Variants in ZMPSTE24 observed in about 807,000 individuals in gnomAD.
The protein encoded by ZMPSTE24 is CAAX prenyl protease 1 homolog.
A neutral mutation model predicts 56.7 loss-of-function variants in ZMPSTE24; 48 were observed. The observed-to-expected ratio is 0.85, with a 90% CI of 0.67 to 1.08. ZMPSTE24 has a LOEUF of 1.08. Ranked by LOEUF, ZMPSTE24 falls within the 50% of genes least tolerant of loss-of-function variation. The pLI, the probability that ZMPSTE24 is intolerant of heterozygous loss-of-function variation, is 0.00. For synonymous variants in ZMPSTE24, 172 were observed against 195.2 expected (o/e 0.88, Z 0.99); for missense variants, 503 against 548.7 (o/e 0.92, Z 0.83).
chr1:40,270,255 C>T, intron 5 of ZMPSTE24, 128 bp downstream of exon 5: 1 of 1,124,476 alleles, frequency 8.9e-7, no homozygotes. Context: ...ATACATTTCC[C>T]CCTTGGTTTC....
intron 6 of ZMPSTE24, among the ~76,000 whole-genome samples, chr1:40,280,269 A>G (rs1272333625): frequency 6.6e-6 from 1 of 152,044 alleles, no homozygotes; most frequent in African/African-American, 2.4e-5. Context: ...CTCATCTTCA[A>G]GGCTCTCATC....
At chr1:40,291,982 A>G (rs1354695904) in intron 9 of ZMPSTE24, among the ~76,000 whole-genome samples, 2 of 151,894 alleles carry the variant, frequency 1.3e-5, no homozygotes, top group Non-Finnish European at 2.9e-5. Flanking sequence ...CTGGGACTAC[A>G]GGCACCCATC....
intron 2 of ZMPSTE24, among the ~76,000 whole-genome samples, chr1:40,263,383 A>G (rs1223359368): frequency 6.6e-6 from 1 of 152,238 alleles, no homozygotes; most frequent in Non-Finnish European, 1.5e-5. Context: ...TTCCCTTCTT[A>G]TGAATGAGGA....
chr1:40,266,224 T>C (rs1157263621), intron 2 of ZMPSTE24, among the ~76,000 whole-genome samples: 1 of 152,136 alleles, frequency 6.6e-6, no homozygotes, highest in Non-Finnish European at 1.5e-5. Flanking sequence ...TGAAATATGA[T>C]AGTACCAAAA....
chr1:40,265,874 T>C (rs1456973587), intron 2 of ZMPSTE24, among the ~76,000 whole-genome samples: 1 of 152,144 alleles, frequency 6.6e-6, no homozygotes, highest in Non-Finnish European at 1.5e-5. Context: ...AGAGACCATA[T>C]TTGAGACCCA....
At chr1:40,278,324 A>G (rs1643690913) in intron 6 of ZMPSTE24, among the ~76,000 whole-genome samples, 1 of 152,246 alleles carries the variant, frequency 6.6e-6, no homozygotes, top group Admixed American at 6.5e-5. Flanking sequence ...TGCTTCACTT[A>G]GAATATCTCG....
chr1:40,292,940 A>C lies in ZMPSTE24; in HGVS notation c.*271A>C, dbSNP rs1288639439. The C allele has an allele frequency of 5.4e-6, 2 of 370,078 alleles. No homozygotes were observed. Among genetic ancestry groups the C allele is most frequent in the East Asian group, 1.3e-4 (2 of 15,714 alleles). The allele number at this position is 370,078 out of a possible 1,614,324, so 22.9% of individuals were successfully genotyped here. A position where few individuals can be genotyped will look rare whatever the true frequency, so the allele number is the denominator to read the frequency against. On this transcript the variant is annotated 3_prime_UTR_variant, in exon 10 of 10. Coordinates refer to ENST00000372759, the MANE Select transcript of ZMPSTE24 (RefSeq NM_005857.5). Reference sequence around the variant, plus strand: ...AAGTTGTAAAATTATTTGGAAAAATACAGAACTCGTTTTATTTGTATACTT... The same window carrying C: ...AAGTTGTAAAATTATTTGGAAAAATCCAGAACTCGTTTTATTTGTATACTT...
At chr1:40,275,510 G>A (rs1394672175) in intron 6 of ZMPSTE24, among the ~76,000 whole-genome samples, 1 of 151,840 alleles carries the variant, frequency 6.6e-6, no homozygotes, top group Non-Finnish European at 1.5e-5. Flanking sequence ...CCAGCACTTT[G>A]AGAGGCTGAG....
intron 7 of ZMPSTE24, among the ~76,000 whole-genome samples, chr1:40,285,488 C>A (rs1013597299): frequency 1.3e-5 from 2 of 152,188 alleles, no homozygotes; most frequent in African/African-American, 2.4e-5. Flanking sequence ...TATCTGTCTG[C>A]CTCGGTTTCC....
intron 6 of ZMPSTE24, 129 bp downstream of exon 6, chr1:40,272,164 G>C: frequency 3.7e-6 from 4 of 1,081,676 alleles, no homozygotes; most frequent in Non-Finnish European, 5.0e-6. Context: ...TTATTTAAAG[G>C]CTAGGAGTTT....
chr1:40,285,167 C>T (rs1408642152), intron 7 of ZMPSTE24, among the ~76,000 whole-genome samples: 1 of 151,542 alleles, frequency 6.6e-6, no homozygotes, highest in Non-Finnish European at 1.5e-5. Flanking sequence ...AGTGCAATGG[C>T]GTGATCTCAG....
rs1643837750 is a variant in ZMPSTE24 at position 40,290,977 on chromosome 1, A to T, written c.1183A>T (p.Ile395Phe). 5 of 1,613,766 alleles carry T rather than the reference A, an allele frequency of 3.1e-6. No individual in the cohort carries two copies. The highest frequency in any genetic ancestry group is 4.2e-6 in the Non-Finnish European group (5 of 1,179,978). ...TGGACTATTGATCATCTTCCAGTTT[A>T]TTTTTTCACCTTACAATGAGGTAAT... ...LIGLLIIFQF[I>F]FSPYNEVLSF... Residue 395 changes from isoleucine to phenylalanine, a missense_variant, in exon 9 of 10, where the codon ATT (isoleucine) becomes TTT (phenylalanine). Transcript: ENST00000372759.
intron 5 of ZMPSTE24, among the ~76,000 whole-genome samples, chr1:40,270,799 A>G (rs986412339): frequency 1.3e-5 from 2 of 152,006 alleles, no homozygotes; most frequent in African/African-American, 4.8e-5. Context: ...GTGCTTCACA[A>G]CACAAACACT....
chr1:40,263,730 CTTT>C (rs1282418065), intron 2 of ZMPSTE24, among the ~76,000 whole-genome samples: 14 of 124,108 alleles, frequency 1.1e-4, no homozygotes, highest in Admixed American at 2.4e-4. Context: ...TTAGCTTCGA[CTTT>C]TTTTTTTTTT....
chr1:40,263,308 T>A (rs1405661068), intron 2 of ZMPSTE24, among the ~76,000 whole-genome samples: 1 of 152,256 alleles, frequency 6.6e-6, no homozygotes, highest in Non-Finnish European at 1.5e-5. Context: ...TTTCACTTCA[T>A]ACATAGTTTT....
intron 8 of ZMPSTE24, chr1:40,290,553 C>T (rs188309583): frequency 2.2e-4 from 63 of 289,694 alleles, no homozygotes; most frequent in East Asian, 1.2e-3. Context: ...CTCCGCCTCC[C>T]GGGTTCACGC....
Position 40,268,778 on chromosome 1 carries a change from T to A in ZMPSTE24, c.474+243T>A, listed in dbSNP as rs566036504. ...AGGCCAACCTGGTCAACACTGATTT[T>A]AAAAAAAAAATACTTAAGGCCAGGC... On this transcript the variant is annotated intron_variant, in intron 4 of 9. Transcript: ENST00000372759. Among the ~76,000 whole-genome samples, 349 of 149,374 alleles carry A rather than the reference T, an allele frequency of 2.3e-3. 1 individual carries two copies. Among genetic ancestry groups the A allele is most frequent in the African/African-American group, 6.4e-3 (262 of 40,846 alleles).
intron 1 of ZMPSTE24, among the ~76,000 whole-genome samples, chr1:40,260,235 A>AT (rs1249869421): frequency 1.3e-5 from 2 of 151,412 alleles, no homozygotes; most frequent in African/African-American, 4.9e-5. Context: ...TAATTTTTGT[A>AT]TTTTTTGTAG....
intron 6 of ZMPSTE24, among the ~76,000 whole-genome samples, chr1:40,274,730 T>G (rs377405853): frequency 2.0e-5 from 3 of 152,212 alleles, no homozygotes; most frequent in Non-Finnish European, 4.4e-5. Flanking sequence ...TTTTAAAATA[T>G]CCTGGGCTAC....
Sources: gnomAD v4.1 joint callset for allele counts (sites outside exome capture counted in the v4.1 genomes callset) on GRCh38, gnomAD v4.1.1 for gene constraint, MANE v1.5 for transcripts, NCBI Gene and HGNC (gene_info 2026-07-23, HGNC 2026-07-21) for gene names.